ANXA5: variants seen among roughly 807,000 people sequenced by gnomAD.
The protein encoded by ANXA5 is annexin A5, also known as CBP-I.
A neutral mutation model predicts 48.1 loss-of-function variants in ANXA5; 40 were observed. The ratio of observed to expected loss-of-function variants is 0.83; its 90% CI spans 0.65 to 1.08. The LOEUF is 1.08. ANXA5 is among the 50% of genes least tolerant of loss of function. The pLI is 0.00. For missense variants in ANXA5, 357 were observed against 376.8 expected, an observed-to-expected ratio of 0.95 and a Z score of 0.44; for synonymous variants, 113 against 129.1, an observed-to-expected ratio of 0.88 and a Z score of 0.85.
intron 7 of ANXA5, 129 bp from the exon 8 acceptor site, chr4:121,678,079 C>G: frequency 2.6e-6 from 2 of 760,262 alleles, no homozygotes; most frequent in Non-Finnish European, 4.5e-6. Flanking sequence ...TAAGATCAAT[C>G]CTGCACTATT....
intron 6 of ANXA5, among the ~76,000 whole-genome samples, chr4:121,680,516 G>A (rs1227786572): frequency 6.6e-6 from 1 of 152,270 alleles, no homozygotes; most frequent in East Asian, 1.9e-4. Flanking sequence ...CACCCACTGA[G>A]GAGACTGCAC....
chr4:121,690,655 GT>G (rs1478895091), intron 2 of ANXA5, among the ~76,000 whole-genome samples: 1 of 152,124 alleles, frequency 6.6e-6, no homozygotes, highest in Non-Finnish European at 1.5e-5. Context: ...ACAGGGAGAG[GT>G]TAGAAACAGA....
intron 10 of ANXA5, among the ~76,000 whole-genome samples, chr4:121,670,838 T>A (rs532253665): frequency 6.6e-6 from 1 of 152,272 alleles, no homozygotes; most frequent in South Asian, 2.1e-4. Flanking sequence ...TAGAGTTGGT[T>A]CATGCAGATC....
At chr4:121,672,696 T>A (rs1724632826) in intron 8 of ANXA5, 70 bp from the exon 9 acceptor site, 1 of 1,089,022 alleles carries the variant, frequency 9.2e-7, no homozygotes, top group Non-Finnish European at 1.4e-6. Context: ...AACACACTTG[T>A]TTTTTACTCC....
rs111877480 is a variant in ANXA5, at chr4:121,671,617, T to G, written c.651A>C (p.Ser217=). ...CAATGGTTTCCTCAATTTGAAATCC[T>G]GATATAGTCATGTACTTGTCAAACA... is the stretch of plus-strand genomic sequence containing the variant. ...RKVFDKYMTI[S]GFQIEETIDR... is the part of the protein sequence containing the mutation. The change falls in exon 10 of 13, where the codon TCA becomes TCC. Residue 217 remains serine (S), a synonymous_variant. Coordinates refer to ENST00000296511, the MANE Select transcript of ANXA5 (RefSeq NM_001154.4). 9 of 1,612,898 alleles carry G rather than the reference T, an allele frequency of 5.6e-6. No homozygotes were observed. The African/African-American group carries it at 8.0e-5, about 14-fold the overall frequency.
chr4:121,684,832 T>C, intron 3 of ANXA5, 61 bp from the exon 4 acceptor site: 1 of 1,316,970 alleles, frequency 7.6e-7, no homozygotes. Context: ...CCAACGATCT[T>C]GGCAACTCGC....
intron 12 of ANXA5, 200 bp downstream of exon 12, chr4:121,669,402 A>C (rs1049427476): frequency 1.5e-6 from 1 of 649,576 alleles, no homozygotes; most frequent in Admixed American, 2.6e-5. Context: ...CCTCAGCCAC[A>C]TCAATACCCA....
intron 6 of ANXA5, among the ~76,000 whole-genome samples, chr4:121,679,060 CAA>C (rs1724747643): frequency 6.6e-6 from 1 of 151,788 alleles, no homozygotes; most frequent in Non-Finnish European, 1.5e-5. Flanking sequence ...CTGGGATCTA[CAA>C]GAGTCTACAA....
intron 2 of ANXA5, among the ~76,000 whole-genome samples, chr4:121,692,709 G>A (rs1725007124): frequency 6.6e-6 from 1 of 152,186 alleles, no homozygotes; most frequent in Non-Finnish European, 1.5e-5. Flanking sequence ...TGCCAGCTAA[G>A]TAACCTCAAT....
At chr4:121,681,046 C>A (rs1216588973) in intron 6 of ANXA5, among the ~76,000 whole-genome samples, 1 of 152,106 alleles carries the variant, frequency 6.6e-6, no homozygotes, top group African/African-American at 2.4e-5. Flanking sequence ...GAGTTGGCTA[C>A]AAGAAATCTG....
At chr4:121,677,999 C>T in intron 7 of ANXA5, 49 bp from the exon 8 acceptor site, 1 of 1,483,472 alleles carries the variant, frequency 6.7e-7, no homozygotes, top group East Asian at 2.3e-5. Context: ...CATTCTCATT[C>T]AAAAGGAAAA....
intron 8 of ANXA5, among the ~76,000 whole-genome samples, chr4:121,673,058 A>G (rs1724638507): frequency 6.6e-6 from 1 of 152,232 alleles, no homozygotes. Context: ...TCAATAGCAC[A>G]TGAGTAAAAG....
intron 1 of ANXA5, 50 bp downstream of exon 1, chr4:121,696,813 C>CA (rs1406647791): frequency 2.6e-6 from 1 of 382,376 alleles, no homozygotes; most frequent in Non-Finnish European, 4.7e-6. Flanking sequence ...GCCCCGCGAC[C>CA]ACGCTCTCCT....
intron 11 of ANXA5, 66 bp from the exon 12 acceptor site, chr4:121,669,790 C>T: frequency 6.4e-7 from 1 of 1,559,106 alleles, no homozygotes; most frequent in Non-Finnish European, 8.7e-7. Flanking sequence ...ATCAAATGCT[C>T]CCGGGTGCGG....
intron 6 of ANXA5, 187 bp downstream of exon 6, chr4:121,681,484 G>T (rs546553072): frequency 3.5e-5 from 17 of 489,016 alleles, no homozygotes; most frequent in Non-Finnish European, 4.7e-5. Context: ...AATAGTAGAG[G>T]ATAACAAGGC....
chr4:121,678,369 A>G (rs1488059968), intron 7 of ANXA5, 46 bp downstream of exon 7: 4 of 1,523,896 alleles, frequency 2.6e-6, no homozygotes, highest in Non-Finnish European at 3.6e-6. Flanking sequence ...AGCCCAGTCC[A>G]ACTTCAGGCT....
intron 6 of ANXA5, among the ~76,000 whole-genome samples, chr4:121,678,731 T>G (rs1437878716): frequency 6.6e-6 from 1 of 152,188 alleles, no homozygotes; most frequent in Non-Finnish European, 1.5e-5. Context: ...ACTCAGCCAT[T>G]TAGAAATTCT....
At chr4:121,681,218 G>C (rs1724788322) in intron 6 of ANXA5, 1 of 152,464 alleles carries the variant, frequency 6.6e-6, no homozygotes, top group African/African-American at 2.4e-5. Context: ...CATTAGCTAA[G>C]ACAACATACA....
chr4:121,668,305 A>C lies in ANXA5; in HGVS notation c.*163T>G. On this transcript the variant is annotated 3_prime_UTR_variant, in exon 13 of 13. Transcript: ENST00000296511. ...GAGATCTCCACTAGAGATCAGAAAG[A>C]AGCACCACTATTTTCTTCTATGACG... is the stretch of plus-strand genomic sequence containing the variant. 1.6e-6 allele frequency: 1 copy of C among 612,552 alleles called. No individual in the cohort carries two copies. The highest frequency in any genetic ancestry group is 2.9e-6 in the Non-Finnish European group (1 of 342,106). 37.9% of individuals were successfully genotyped at this position (612,552 alleles called of 1,614,324 possible). A position where few individuals can be genotyped will look rare whatever the true frequency, so the allele number is the denominator to read the frequency against.
Sources: gnomAD v4.1 joint callset for allele counts (sites outside exome capture counted in the v4.1 genomes callset) on GRCh38, gnomAD v4.1.1 for gene constraint, MANE v1.5 for transcripts, NCBI Gene and HGNC (gene_info 2026-07-23, HGNC 2026-07-21) for gene names.